TMC5: variants seen among roughly 807,000 people sequenced by gnomAD.
The protein encoded by TMC5 is transmembrane channel like 5, also known as transmembrane channel-like protein 5.
A neutral mutation model predicts 110.5 loss-of-function variants in TMC5; 86 were observed. The ratio of observed to expected loss-of-function variants is 0.78; its 90% CI spans 0.65 to 0.93. TMC5 has a LOEUF of 0.93. Ranked by LOEUF, TMC5 falls within the 40% of genes least tolerant of loss-of-function variation. The pLI is 0.00. For synonymous variants in TMC5, 455 were observed against 439.5 expected (o/e 1.04, Z -0.44); for missense variants, 1,144 against 1,222.8 (o/e 0.94, Z 0.96).
rs199800779 is a variant in TMC5 at position 19,444,221 on chromosome 16, C to G, written c.929C>G (p.Ser310Cys). The G allele has an allele frequency of 6.1e-5, 98 of 1,613,826 alleles. No homozygotes were observed. Among genetic ancestry groups the G allele is most frequent in the Non-Finnish European group, 7.9e-5 (93 of 1,180,026 alleles). Residue 310 changes from serine (S) to cysteine (C), a missense_variant, in exon 4 of 22, where the codon TCT (serine) becomes TGT (cysteine). Ser to Cys is a moderately radical substitution (Grantham distance 112). Coordinates refer to ENST00000542583, the MANE Select transcript of TMC5 (RefSeq NM_001261841.2). ...GAGATGGCAAACTCATATGGCCACTCTCTGCCAGGTGCTCCTGGAAGTGGC... is the reference window on the plus strand; with the variant it reads ...GAGATGGCAAACTCATATGGCCACTGTCTGCCAGGTGCTCCTGGAAGTGGC... Reference protein sequence around the residue: ...SMEMANSYGHSLPGAPGSGYV... With the variant: ...SMEMANSYGHCLPGAPGSGYV...
Position 19,462,068 on chromosome 16 carries a change from C to G in TMC5, c.1149-1212C>G, listed in dbSNP as rs543531536. Among the ~76,000 whole-genome samples the G allele has an allele frequency of 3.0e-4, 45 of 152,272 alleles. 3 individuals carry two copies. In the South Asian group the frequency reaches 8.5e-3, roughly 29 times the overall value. On this transcript the variant is annotated intron_variant, in intron 6 of 21. Transcript: ENST00000542583. Reference sequence around the variant, plus strand: ...AAGCTAGGAAAGAACCAGAACAAAGCAGATGTGGTGAGTTCATGGAAGGGT... The same window carrying G: ...AAGCTAGGAAAGAACCAGAACAAAGGAGATGTGGTGAGTTCATGGAAGGGT...
intron 5 of TMC5, 60 bp downstream of exon 5, chr16:19,449,691 C>CCGACACATGGGGATTACA: frequency 6.7e-7 from 1 of 1,491,036 alleles, no homozygotes. Context: ...TTGTAATCCC[C>CCGACACATGGGGATTACA]ATGTGTCGGG....
At chr16:19,413,848 C>T (rs1030379342), upstream of TMC5, among the ~76,000 whole-genome samples, 2 of 152,160 alleles carry the variant, frequency 1.3e-5, no homozygotes, top group Non-Finnish European at 2.9e-5. Flanking sequence ...TGCTGTGTGA[C>T]CTTGGGCCAA....
At chr16:19,438,517 CG>C (rs1351785952) in intron 2 of TMC5, among the ~76,000 whole-genome samples, 1 of 148,592 alleles carries the variant, frequency 6.7e-6, no homozygotes, top group Non-Finnish European at 1.5e-5. Flanking sequence ...GAGGCCGAGA[CG>C]GGTGGATCAC....
At chr16:19,481,495 G>T (rs1421854143) in intron 15 of TMC5, 30 bp downstream of exon 15, 1 of 1,504,230 alleles carries the variant, frequency 6.6e-7, no homozygotes, top group African/African-American at 1.4e-5. Context: ...AAAATGCCCA[G>T]TGGTTCCCAC....
At chr16:19,482,051 C>T (rs1221575248) in intron 15 of TMC5, among the ~76,000 whole-genome samples, 1 of 152,044 alleles carries the variant, frequency 6.6e-6, no homozygotes, top group Non-Finnish European at 1.5e-5. Flanking sequence ...TAAATTTCTG[C>T]TGTTTTATTT....
chr16:19,497,054 T>C (rs916356703), intron 20 of TMC5, 67 bp from the exon 21 acceptor site: 21 of 1,560,342 alleles, frequency 1.3e-5, no homozygotes, highest in Non-Finnish European at 1.8e-5. Flanking sequence ...TTGTGCCAAA[T>C]ATGTGACAAG....
intron 5 of TMC5, chr16:19,456,873 A>C: frequency 6.2e-7 from 1 of 1,614,202 alleles, no homozygotes; most frequent in Non-Finnish European, 8.5e-7. Context: ...ATAGACTCTC[A>C]GACAGTCAGC....
At chr16:19,419,045 A>T (rs1451779187) in intron 1 of TMC5, among the ~76,000 whole-genome samples, 3 of 152,130 alleles carry the variant, frequency 2.0e-5, no homozygotes, top group Non-Finnish European at 4.4e-5. Flanking sequence ...GATGTTGTTG[A>T]TGATGATGAT....
chr16:19,475,844 G>T (rs533529119), intron 12 of TMC5, among the ~76,000 whole-genome samples: 2 of 129,338 alleles, frequency 1.5e-5, no homozygotes, highest in African/African-American at 5.9e-5. Flanking sequence ...TCATTCTGTC[G>T]CCCAGGCTGG....
At position 19,440,654 on chromosome 16, in the gene TMC5, G is replaced by C; in HGVS notation, c.616G>C (p.Asp206His). The change falls in exon 3 of 22, where the codon GAT becomes CAT. Residue 206 changes from aspartate (D) to histidine (H), a missense_variant. By Grantham distance (81) the Asp-to-His change is moderately conservative. Transcript: ENST00000542583. The part of the protein sequence containing the change: ...NPYADSLGKP[D>H]YPGADIQPNS... Reference sequence around the variant, plus strand: ...ATACGCAGACTCTCTGGGAAAGCCTGATTATCCAGGCGCTGACATTCAACC... The same window carrying C: ...ATACGCAGACTCTCTGGGAAAGCCTCATTATCCAGGCGCTGACATTCAACC... 3.7e-6 allele frequency: 6 copies of C among 1,614,200 alleles called. No homozygotes were observed. Among genetic ancestry groups the C allele is most frequent in the Non-Finnish European group, 5.1e-6 (6 of 1,180,032 alleles).
intron 3 of TMC5, 71 bp from the exon 4 acceptor site, chr16:19,444,010 T>C (rs927666159): frequency 2.2e-6 from 3 of 1,390,840 alleles, no homozygotes; most frequent in Non-Finnish European, 2.0e-6. Flanking sequence ...GATGGATGGA[T>C]GGATGGATGG....
In TMC5 at chr16:19,412,614, C is replaced by T. The variant is rs866997912; in HGVS notation, c.-308+1438C>T. Among the ~76,000 whole-genome samples, 43 of 151,134 alleles carry T rather than the reference C, an allele frequency of 2.8e-4. 1 individual carries two copies. Among genetic ancestry groups the T allele is most frequent in the African/African-American group, 7.5e-4 (31 of 41,166 alleles). On this transcript the variant is annotated intron_variant, in intron 1 of 20. Transcript: ENST00000381414. ...AACTCCTGACCTCAGTTGATCCACT[C>T]GCCTCAGCCTCCCAAAGTGCTGGGA...
intron 2 of TMC5, among the ~76,000 whole-genome samples, chr16:19,436,273 GAAAA>G (rs750838547): frequency 1.9e-5 from 2 of 107,604 alleles, no homozygotes; most frequent in Non-Finnish European, 3.5e-5. Flanking sequence ...GTCTCAAAAA[GAAAA>G]AAAAAAAGAA....
At chr16:19,464,509 C>A (rs569250541) in intron 8 of TMC5, among the ~76,000 whole-genome samples, 1 of 152,208 alleles carries the variant, frequency 6.6e-6, no homozygotes, top group Non-Finnish European at 1.5e-5. Context: ...CAGAGGCAAC[C>A]ATCTTGAACA....
At chr16:19,484,873 T>C (rs1968700268) in intron 15 of TMC5, among the ~76,000 whole-genome samples, 1 of 152,060 alleles carries the variant, frequency 6.6e-6, no homozygotes, top group Non-Finnish European at 1.5e-5. Context: ...TTTTTTTTTT[T>C]TCTCCATGGT....
chr16:19,473,987 T>G, intron 11 of TMC5, 138 bp from the exon 12 acceptor site: 1 of 794,166 alleles, frequency 1.3e-6, no homozygotes, highest in South Asian at 2.9e-5. Flanking sequence ...CTCAAAAAAA[T>G]TAAAATAAAT....
intron 13 of TMC5, among the ~76,000 whole-genome samples, chr16:19,477,813 C>G (rs1419156597): frequency 6.6e-6 from 1 of 152,148 alleles, no homozygotes; most frequent in East Asian, 1.9e-4. Flanking sequence ...TAAATGATAT[C>G]ATGTGTAGTA....
intron 1 of TMC5, among the ~76,000 whole-genome samples, chr16:19,430,194 T>C (rs1967168056): frequency 1.3e-5 from 2 of 152,216 alleles, no homozygotes; most frequent in Admixed American, 1.3e-4. Context: ...AGAAAACAAA[T>C]GCAAGTCTGG....
Sources: allele counts gnomAD v4.1 joint callset (sites outside exome capture counted in the v4.1 genomes callset), GRCh38; gene constraint gnomAD v4.1.1; transcripts MANE v1.5; gene names NCBI Gene and HGNC (gene_info 2026-07-23, HGNC 2026-07-21).